Variants in KATNIP observed in about 807,000 individuals in gnomAD.
KATNIP encodes katanin interacting protein.
A neutral mutation model predicts 174.0 loss-of-function variants in KATNIP; 126 were observed. The ratio of observed to expected loss-of-function variants is 0.72; its 90% CI spans 0.63 to 0.84. KATNIP has a LOEUF of 0.84. Among genes scored for constraint, KATNIP ranks in the 40% least tolerant of loss-of-function variants. The probability of loss-of-function intolerance (pLI) is 0.00; values close to 1 mark genes in which losing one functional copy is unlikely to be tolerated. For synonymous variants in KATNIP, 810 were observed against 835.7 expected, an observed-to-expected ratio of 0.97 and a Z score of 0.53; for missense variants, 1,958 against 2,109.7, an observed-to-expected ratio of 0.93 and a Z score of 1.41.
chr16:27,756,697 A>AT lies in KATNIP; in HGVS notation c.3631+2456dup, dbSNP rs970933315. On this transcript the variant is annotated intron_variant, in intron 18 of 27. Transcript: ENST00000261588. ...TTGGTTCTCCCCTAAGTTGGTCAGG[A>AT]TTTTTTTTTTGGCAGGGGATGAATA... Among the ~76,000 whole-genome samples the AT allele has an allele frequency of 4.0e-3, 606 of 150,226 alleles. 2 individuals are homozygous for AT. The highest frequency in any genetic ancestry group is 0.014 in the African/African-American group (571 of 41,008).
At chr16:27,725,259 G>A (rs1029965717) in intron 14 of KATNIP, among the ~76,000 whole-genome samples, 2 of 152,214 alleles carry the variant, frequency 1.3e-5, no homozygotes, top group African/African-American at 4.8e-5. Flanking sequence ...ATCCTATGAG[G>A]CAGGTGGTGG....
chr16:27,730,611 C>A (rs1015321014), intron 14 of KATNIP, among the ~76,000 whole-genome samples: 5 of 152,224 alleles, frequency 3.3e-5, no homozygotes, highest in Non-Finnish European at 1.5e-5. Context: ...GAATACCTGA[C>A]CCGTCTTGTT....
chr16:27,607,868 T>A (rs1567487932), intron 2 of KATNIP, among the ~76,000 whole-genome samples: 1 of 152,188 alleles, frequency 6.6e-6, no homozygotes, highest in African/African-American at 2.4e-5. Flanking sequence ...CCCAAAGTGC[T>A]GGGATTATAG....
At chr16:27,766,222 C>A in intron 19 of KATNIP, 87 bp from the exon 20 acceptor site, 1 of 1,447,862 alleles carries the variant, frequency 6.9e-7, no homozygotes. Context: ...TGGGGACGTA[C>A]TTGGGGCCGA....
chr16:27,672,948 T>A (rs959632546), intron 6 of KATNIP, among the ~76,000 whole-genome samples: 1 of 152,102 alleles, frequency 6.6e-6, no homozygotes, highest in African/African-American at 2.4e-5. Context: ...TTGGGACAAT[T>A]TGGGGCCCTG....
At chr16:27,573,791 T>C (rs929916524) in intron 1 of KATNIP, 110 bp from the exon 2 acceptor site, 4 of 968,434 alleles carry the variant, frequency 4.1e-6, no homozygotes, top group Non-Finnish European at 6.4e-6. Context: ...TAAAATCATT[T>C]GATTATGATT....
intron 13 of KATNIP, 121 bp from the exon 14 acceptor site, chr16:27,721,437 G>C (rs1284506411): frequency 8.4e-7 from 1 of 1,191,296 alleles, no homozygotes; most frequent in African/African-American, 1.5e-5. Flanking sequence ...TGGCCTGGCT[G>C]TCTGCCCTGA....
chr16:27,670,885 A>G (rs1020573314), intron 6 of KATNIP, among the ~76,000 whole-genome samples: 1 of 152,188 alleles, frequency 6.6e-6, no homozygotes, highest in Non-Finnish European at 1.5e-5. Context: ...GCTGTCAGAG[A>G]GATCATTGTT....
chr16:27,778,976 G>A lies in KATNIP; in HGVS notation c.*347G>A. The A allele has an allele frequency of 4.2e-6, 1 of 240,494 alleles. No individual in the cohort carries two copies. The highest frequency in any genetic ancestry group is 1.6e-4 in the South Asian group (1 of 6,126). The allele number at this position is 240,494 out of a possible 1,614,324, so 14.9% of individuals were successfully genotyped here. ...AACAGGACAATGACGGGGTGGGGAGGCATCCCATCCAGCCTCAGAGGGCCC... is the reference window on the plus strand; with the variant it reads ...AACAGGACAATGACGGGGTGGGGAGACATCCCATCCAGCCTCAGAGGGCCC... On this transcript the variant is annotated 3_prime_UTR_variant, in exon 28 of 28. Transcript: ENST00000261588.
In KATNIP at chr16:27,769,895, G is replaced by T; in HGVS notation, c.4010G>T (p.Cys1337Phe). 1 of 1,614,214 alleles carries T rather than the reference G, an allele frequency of 6.2e-7. No individual in the cohort carries two copies. The part of the protein sequence containing the change: ...KIVHVSLDGL[C>F]VSPPEGFLIR... The stretch of plus-strand genomic sequence containing the variant: ...GTCCACGTCTCCCTGGATGGCCTGT[G>T]CGTCTCCCCGCCAGAGGGCTTTCTC... Residue 1337 changes from cysteine (C) to phenylalanine (F), a missense_variant, in exon 21 of 28, where the codon TGC (cysteine) becomes TTC (phenylalanine). Cys to Phe is a radical substitution (Grantham distance 205). Around this residue, in one of 3 missense-constraint regions of KATNIP, gnomAD observed 383 missense variants for 456.0 expected, o/e 0.84. Transcript: ENST00000261588.
chr16:27,756,678 C>T (rs1424002564), intron 18 of KATNIP, among the ~76,000 whole-genome samples: 2 of 152,154 alleles, frequency 1.3e-5, no homozygotes, highest in Non-Finnish European at 2.9e-5. Context: ...CAATTTGGTT[C>T]TCCCCTAAGT....
At chr16:27,643,980 G>A (rs1409496072) in intron 5 of KATNIP, among the ~76,000 whole-genome samples, 8 of 149,204 alleles carry the variant, frequency 5.4e-5, no homozygotes, top group Non-Finnish European at 1.0e-4. Flanking sequence ...GCTTTTTCTA[G>A]GGCCAATTCC....
intron 5 of KATNIP, among the ~76,000 whole-genome samples, chr16:27,641,738 A>G (rs568872186): frequency 6.6e-6 from 1 of 152,342 alleles, no homozygotes; most frequent in Admixed American, 6.5e-5. Context: ...CTGATTCCCA[A>G]GGCAAAGGAG....
intron 20 of KATNIP, among the ~76,000 whole-genome samples, chr16:27,766,899 C>T (rs919141230): frequency 5.3e-5 from 8 of 152,100 alleles, no homozygotes; most frequent in African/African-American, 1.9e-4. Context: ...AACTGAGGTC[C>T]AGGAAGGTTC....
chr16:27,574,104 A>G (rs929803268), intron 2 of KATNIP, 148 bp downstream of exon 2: 53 of 650,676 alleles, frequency 8.1e-5, no homozygotes, highest in South Asian at 6.6e-4. Context: ...GTGAGCAACT[A>G]GACTTACCAA....
intron 8 of KATNIP, among the ~76,000 whole-genome samples, chr16:27,690,301 G>A (rs2142898012): frequency 6.7e-6 from 1 of 149,162 alleles, no homozygotes; most frequent in Middle Eastern, 3.5e-3. Flanking sequence ...GGGTGACAGA[G>A]TGAGACCCCA....
intron 8 of KATNIP, among the ~76,000 whole-genome samples, chr16:27,695,835 C>T (rs1467246862): frequency 6.6e-6 from 1 of 152,068 alleles, no homozygotes; most frequent in Non-Finnish European, 1.5e-5. Context: ...TTACACTGAC[C>T]TCCCCTCCCC....
At chr16:27,625,429 C>A (rs2076304820) in intron 3 of KATNIP, among the ~76,000 whole-genome samples, 1 of 152,206 alleles carries the variant, frequency 6.6e-6, no homozygotes, top group African/African-American at 2.4e-5. Flanking sequence ...CTCCCAGGAC[C>A]TAGGCTCCTG....
intron 19 of KATNIP, among the ~76,000 whole-genome samples, chr16:27,763,978 G>A (rs182737484): frequency 7.2e-4 from 109 of 152,284 alleles, no homozygotes; most frequent in Admixed American, 2.7e-3. Flanking sequence ...TTGACTACTA[G>A]GGCAAGATGG....
Sources: gnomAD v4.1 joint callset for allele counts (sites outside exome capture counted in the v4.1 genomes callset) on GRCh38, gnomAD v4.1.1 for gene constraint, gnomAD v4.1.1 regional missense constraint, MANE v1.5 for transcripts, NCBI Gene and HGNC (gene_info 2026-07-23, HGNC 2026-07-21) for gene names.